SKAP1: variants seen among roughly 807,000 people sequenced by gnomAD.
SKAP1 encodes the protein src kinase-associated phosphoprotein 1.
In SKAP1, 44 loss-of-function variants were observed where a neutral mutation model predicts 58.5. The ratio of observed to expected loss-of-function variants is 0.75; its 90% confidence interval spans 0.59 to 0.97. The LOEUF (loss-of-function observed/expected upper bound fraction) is 0.97. Among genes scored for constraint, SKAP1 ranks in the 50% least tolerant of loss-of-function variants. SKAP1 has a pLI of 0.00. For missense variants in SKAP1, 390 were observed against 435.2 expected (o/e 0.90, Z 0.92); for synonymous variants, 127 against 149.7 (o/e 0.85, Z 1.11).
At chr17:48,276,432 G>C (rs2065702467) in intron 4 of SKAP1, among the ~76,000 whole-genome samples, 1 of 152,182 alleles carries the variant, frequency 6.6e-6, no homozygotes, top group South Asian at 2.1e-4. Flanking sequence ...ATGGTTAGTT[G>C]TACACATCTG....
At chr17:48,225,714 G>A (rs951889103) in intron 4 of SKAP1, among the ~76,000 whole-genome samples, 4 of 152,016 alleles carry the variant, frequency 2.6e-5, no homozygotes, top group Admixed American at 1.3e-4. Context: ...CTTATTTTCC[G>A]CAGCCTCATC....
At chr17:48,239,652 C>T (rs1433188713) in intron 4 of SKAP1, among the ~76,000 whole-genome samples, 1 of 152,066 alleles carries the variant, frequency 6.6e-6, no homozygotes, top group African/African-American at 2.4e-5. Flanking sequence ...AAACTGAGAC[C>T]ATTGGTCCAT....
Position 48,430,100 on chromosome 17 carries a change from A to C in SKAP1, c.21T>G (p.Pro7=), listed in dbSNP as rs2067899363. The C allele has an allele frequency of 2.4e-6, 3 of 1,265,100 alleles. No homozygotes were observed. Among genetic ancestry groups the C allele is most frequent in the Non-Finnish European group, 3.0e-6 (3 of 997,522 alleles). 78.4% of individuals were successfully genotyped at this position (1,265,100 alleles called of 1,614,324 possible). A position where few individuals can be genotyped will look rare whatever the true frequency, so the allele number is the denominator to read the frequency against. Residue 7 remains proline (P), a synonymous_variant, in exon 1 of 13, where the codon CCT becomes CCG. Transcript: ENST00000336915. The part of the protein sequence containing the change: MQAAAL[P]EEIRWLLEDA... Reference sequence around the variant, plus strand: ...CTTCCAGGAGCCAACGGATCTCCTCAGGGAGGGCGGCGGCCTGCATTTGGC... The same window carrying C: ...CTTCCAGGAGCCAACGGATCTCCTCCGGGAGGGCGGCGGCCTGCATTTGGC...
chr17:48,375,171 A>T (rs1002186045), intron 2 of SKAP1, among the ~76,000 whole-genome samples: 2 of 152,172 alleles, frequency 1.3e-5, no homozygotes, highest in Non-Finnish European at 2.9e-5. Context: ...TGGGGGATGT[A>T]ATATTTCTGT....
intron 4 of SKAP1, among the ~76,000 whole-genome samples, chr17:48,230,741 A>G (rs1353957478): frequency 6.6e-6 from 1 of 152,152 alleles, no homozygotes; most frequent in Non-Finnish European, 1.5e-5. Flanking sequence ...TGGGTGACAG[A>G]GTGAGACCCT....
intron 4 of SKAP1, among the ~76,000 whole-genome samples, chr17:48,232,154 C>T (rs954278236): frequency 2.6e-5 from 4 of 152,338 alleles, no homozygotes; most frequent in South Asian, 4.1e-4. Context: ...CAGTCACCTT[C>T]GAACCTAAAA....
intron 1 of SKAP1, among the ~76,000 whole-genome samples, chr17:48,408,849 C>T (rs868423068): frequency 1.2e-4 from 18 of 152,172 alleles, no homozygotes; most frequent in Admixed American, 1.3e-4. Context: ...AATGGTGCTA[C>T]TCACAGTGAA....
At chr17:48,211,951 T>C (rs1208764793) in intron 4 of SKAP1, among the ~76,000 whole-genome samples, 2 of 151,070 alleles carry the variant, frequency 1.3e-5, no homozygotes, top group African/African-American at 4.9e-5. Flanking sequence ...AGTTGACACA[T>C]TACTTACACA....
intron 11 of SKAP1, among the ~76,000 whole-genome samples, chr17:48,143,189 CTTTTTTTT>C: frequency 9.4e-6 from 1 of 106,310 alleles, no homozygotes; most frequent in Non-Finnish European, 1.9e-5. Context: ...AATTCTTTAG[CTTTTTTTT>C]TTTTTTTTTT....
intron 4 of SKAP1, among the ~76,000 whole-genome samples, chr17:48,230,748 C>A (rs1266952220): frequency 6.6e-6 from 1 of 151,812 alleles, no homozygotes; most frequent in South Asian, 2.1e-4. Context: ...CAGAGTGAGA[C>A]CCTGTCTCAA....
In SKAP1 at chr17:48,270,586, C is replaced by T. The variant is rs560182852; in HGVS notation, c.280+75319G>A. Reference sequence around the variant, plus strand: ...TCGATCTCCTGACCTAGTGATCTGCCGGCCTCGACCTCCCAAAGTGCTGGG... The same window carrying T: ...TCGATCTCCTGACCTAGTGATCTGCTGGCCTCGACCTCCCAAAGTGCTGGG... On this transcript the variant is annotated intron_variant, in intron 4 of 12. Coordinates refer to ENST00000336915, the MANE Select transcript of SKAP1 (RefSeq NM_003726.4). Among the ~76,000 whole-genome samples the T allele has an allele frequency of 1.9e-3, 289 of 152,136 alleles. 1 individual carries two copies. The highest frequency in any genetic ancestry group is 6.7e-3 in the African/African-American group (279 of 41,492).
the SKAP1 span, among the ~76,000 whole-genome samples, chr17:48,435,385 TG>T: frequency 2.0e-5 from 3 of 152,114 alleles, no homozygotes; most frequent in African/African-American, 7.2e-5. Context: ...GAAGTGGAGA[TG>T]GGGGGACTCA....
At chr17:48,374,614 T>G (rs2067130241) in intron 2 of SKAP1, among the ~76,000 whole-genome samples, 1 of 152,218 alleles carries the variant, frequency 6.6e-6, no homozygotes, top group Non-Finnish European at 1.5e-5. Flanking sequence ...GTCAGCCACA[T>G]GGTAGAAGTT....
chr17:48,432,254 C>A (rs2067924155), upstream of SKAP1, among the ~76,000 whole-genome samples: 1 of 152,136 alleles, frequency 6.6e-6, no homozygotes, highest in Non-Finnish European at 1.5e-5. Flanking sequence ...TATAGTGAAA[C>A]CCCGTCTCTA....
At chr17:48,206,253 C>T (rs751170375) in intron 4 of SKAP1, among the ~76,000 whole-genome samples, 2 of 152,014 alleles carry the variant, frequency 1.3e-5, no homozygotes, top group African/African-American at 4.8e-5. Context: ...TTTACATTTC[C>T]TGGTTTATTA....
At chr17:48,330,448 A>G (rs1400316061) in intron 4 of SKAP1, among the ~76,000 whole-genome samples, 1 of 152,248 alleles carries the variant, frequency 6.6e-6, no homozygotes, top group Non-Finnish European at 1.5e-5. Flanking sequence ...TTGCCTGGAC[A>G]GCAAGTCTAA....
At chr17:48,226,034 T>C (rs1017725679) in intron 4 of SKAP1, among the ~76,000 whole-genome samples, 2 of 152,178 alleles carry the variant, frequency 1.3e-5, no homozygotes, top group African/African-American at 4.8e-5. Context: ...GCACAGCACA[T>C]GCCAGGCCAG....
At position 48,184,787 on chromosome 17, in the gene SKAP1, A is replaced by T. The variant is rs199779652; in HGVS notation, c.503T>A (p.Leu168Gln). 28 of 1,613,938 alleles carry T rather than the reference A, an allele frequency of 1.7e-5. No homozygotes were observed. The highest frequency in any genetic ancestry group is 2.4e-5 in the Non-Finnish European group (28 of 1,179,928). The change falls in exon 7 of 13, where the codon CTG becomes CAG. Residue 168 changes from leucine (L) to glutamine (Q), a missense_variant. Physicochemically the swap from Leu to Gln is moderately radical, Grantham distance 113. Transcript: ENST00000336915. ...GGATTCTTTCTTGGAATCTCTTCGC[A>T]GGTGGGGGGCCATCCGTACACCGTA... ...KGYGVRMAPH[L>Q]RRDSKKESCF...
At chr17:48,235,726 G>C (rs1483863952) in intron 4 of SKAP1, among the ~76,000 whole-genome samples, 1 of 152,176 alleles carries the variant, frequency 6.6e-6, no homozygotes, top group Middle Eastern at 3.2e-3. Context: ...TCACAGTGCT[G>C]AGAACTTAGC....
Sources: allele counts gnomAD v4.1 joint callset (sites outside exome capture counted in the v4.1 genomes callset), GRCh38; gene constraint gnomAD v4.1.1; transcripts MANE v1.5; gene names NCBI Gene and HGNC (gene_info 2026-07-23, HGNC 2026-07-21).